The following PAK4 variants were observed in gnomAD, a reference collection of about 807,000 sequenced individuals.
PAK4 encodes p21 (RAC1) activated kinase 4, also known as serine/threonine-protein kinase PAK 4.
A neutral mutation model predicts 53.5 loss-of-function variants in PAK4; 49 were observed. The ratio of observed to expected loss-of-function variants is 0.92; its 90% CI spans 0.73 to 1.16. PAK4 has a LOEUF of 1.16. Ranked by LOEUF, PAK4 falls within the 50% of genes most tolerant of loss-of-function variation. The probability of loss-of-function intolerance (pLI) is 0.00; values close to 1 mark genes in which losing one functional copy is unlikely to be tolerated. For missense variants in PAK4, 824 were observed against 850.7 expected (o/e 0.97, Z 0.39); for synonymous variants, 376 against 375.6 (o/e 1.00, Z -0.01).
At chr19:39,165,863 C>T (rs148591466) in intron 1 of PAK4, among the ~76,000 whole-genome samples, 35 of 152,356 alleles carry the variant, frequency 2.3e-4, no homozygotes, top group African/African-American at 8.2e-4. Flanking sequence ...CTGGTGTCCA[C>T]TCTGCCACCC....
chr19:39,161,756 CGCCCACCCTGCTCCA>C lies in PAK4; in HGVS notation c.-22-7772_-22-7758del, dbSNP rs1294546516. The stretch of plus-strand genomic sequence containing the variant: ...TGGCCTGTCCTTCCACTTGCCCCCT[CGCCCACCCTGCTCCA>C]GCCACGTGGCCTCCTCGCTGTCCCT... On this transcript the variant is annotated intron_variant, in intron 1 of 8. Transcript: ENST00000358301. This position sits in a 1 kb window ranked among gnomAD's most constrained non-coding sequence, Gnocchi z 4.5. 6.6e-6 allele frequency among the ~76,000 whole-genome samples: 1 copy of C among 151,912 alleles called. No homozygotes were observed. The highest frequency in any genetic ancestry group is 2.4e-5 in the African/African-American group (1 of 41,354).
In PAK4 at chr19:39,177,815, C is replaced by CCCCT. The variant is rs774782144; in HGVS notation, c.1620+11_1620+14dup. The CCCCT allele has an allele frequency of 4.4e-6, 7 of 1,603,394 alleles. No individual in the cohort carries two copies. The African/African-American group carries it at 8.0e-5, about 18-fold the overall frequency. ...GACTGAAGAACCTGCACAAGGTAGG[C>CCCCT]CCCTCCCTGGCTGGGAAACTGTGCG... On this transcript the variant is annotated splice_region_variant and intron_variant, in intron 8 of 8. Transcript: ENST00000358301.
rs778898769 is a variant in PAK4, at chr19:39,173,777, C to A, written c.865C>A (p.Pro289Thr). The A allele has an allele frequency of 6.3e-7, 1 of 1,599,686 alleles. No individual in the cohort carries two copies. The highest frequency in any genetic ancestry group is 1.1e-5 in the South Asian group (1 of 89,698). Reference sequence around the variant, plus strand: ...CCCTGCTGTTCCTGGGCCCCCTGGCCCCCGCTCACCACAGCGGGAGCCACA... The same window carrying A: ...CCCTGCTGTTCCTGGGCCCCCTGGCACCCGCTCACCACAGCGGGAGCCACA... Residue 289 changes from proline (P) to threonine (T), a missense_variant, in exon 4 of 9, where the codon CCC becomes ACC. Physicochemically the swap from Pro to Thr is conservative, Grantham distance 38. Transcript: ENST00000358301. This position sits in a 1 kb window ranked among gnomAD's most constrained non-coding sequence, Gnocchi z 6.9.
chr19:39,182,534 G>A (rs959042793), downstream of PAK4: 1 of 152,240 alleles, frequency 6.6e-6, no homozygotes, highest in African/African-American at 2.4e-5. Flanking sequence ...ATCATGCTAG[G>A]GGCCGGGTGC....
chr19:39,161,650 T>G lies in PAK4; in HGVS notation c.-22-7882T>G, dbSNP rs2144773105. Among the ~76,000 whole-genome samples the G allele has an allele frequency of 6.6e-6, 1 of 151,986 alleles. No individual in the cohort carries two copies. Among genetic ancestry groups the G allele is most frequent in the East Asian group, 1.9e-4 (1 of 5,152 alleles). ...TGGCCCTCCTGGGCTCAGAGACCCC[T>G]GCAACTCCGTCTCACTCGGGAAAGG... On this transcript the variant is annotated intron_variant, in intron 1 of 8. Coordinates refer to ENST00000358301, the Ensembl canonical transcript of PAK4. This position sits in a 1 kb window ranked among gnomAD's most constrained non-coding sequence, Gnocchi z 4.5.
At chr19:39,151,658 G>T (rs1222440028) in intron 1 of PAK4, among the ~76,000 whole-genome samples, 7 of 152,232 alleles carry the variant, frequency 4.6e-5, no homozygotes, top group Non-Finnish European at 1.5e-5. Flanking sequence ...ATCAAGGCAG[G>T]GAAAGATCAC....
intron 1 of PAK4, among the ~76,000 whole-genome samples, chr19:39,133,934 C>T (rs1007324726): frequency 3.3e-5 from 5 of 152,164 alleles, no homozygotes; most frequent in African/African-American, 4.8e-5. Flanking sequence ...CACCGGTCAG[C>T]ACTGGCCATG....
chr19:39,149,228 A>G (rs1568507099), intron 1 of PAK4, among the ~76,000 whole-genome samples: 1 of 152,222 alleles, frequency 6.6e-6, no homozygotes, highest in Non-Finnish European at 1.5e-5. Context: ...ACAAGAGCTA[A>G]AAGGTGGAAA....
Position 39,175,589 on chromosome 19 carries a change from G to A in PAK4, c.1359+151G>A. ...AACTTCGTCCCTCCCTGGTGGAGCA[G>A]CCCAGAGTCAGGTTCCAGCTCAGTG... On this transcript the variant is annotated intron_variant, in intron 6 of 8. Coordinates refer to ENST00000358301, the Ensembl canonical transcript of PAK4. This position sits in a 1 kb window ranked among gnomAD's most constrained non-coding sequence, Gnocchi z 4.7. 2.3e-6 allele frequency: 2 copies of A among 851,628 alleles called. No individual in the cohort carries two copies. The highest frequency in any genetic ancestry group is 2.7e-5 in the East Asian group (1 of 37,242). The allele number at this position is 851,628 out of a possible 1,614,324, so 52.8% of individuals were successfully genotyped here. A position where few individuals can be genotyped will look rare whatever the true frequency, so the allele number is the denominator to read the frequency against.
At chr19:39,177,751 T>C (rs759054540) in exon 8 of PAK4, 2 of 1,613,500 alleles carry the variant, frequency 1.2e-6, no homozygotes, top group Non-Finnish European at 1.7e-6. Flanking sequence ...GAGCCACCCC[T>C]CAAAGCCATG....
intron 1 of PAK4, among the ~76,000 whole-genome samples, chr19:39,128,702 G>C (rs985026370): frequency 2.0e-5 from 3 of 152,188 alleles, no homozygotes; most frequent in Non-Finnish European, 4.4e-5. Flanking sequence ...TAGAGGCCAA[G>C]GGTCTCCTCC....
At chr19:39,174,767 CTG>C (rs1259294614) in intron 4 of PAK4, among the ~76,000 whole-genome samples, 162 bp from the exon 6 acceptor site, 3 of 152,270 alleles carry the variant, frequency 2.0e-5, no homozygotes, top group Admixed American at 2.0e-4. Flanking sequence ...CAAGCTGGCT[CTG>C]AGGCCCACGT....
At chr19:39,158,240 C>CGTGTGTGTGCATGTGTGTGT (rs2074225994) in intron 1 of PAK4, among the ~76,000 whole-genome samples, 1 of 149,968 alleles carries the variant, frequency 6.7e-6, no homozygotes. Flanking sequence ...CATGTGTGTG[C>CGTGTGTGTGCATGTGTGTGT]GCGCATGTGT....
chr19:39,150,741 T>G (rs1167281583), intron 1 of PAK4, among the ~76,000 whole-genome samples: 4 of 151,950 alleles, frequency 2.6e-5, no homozygotes, highest in Non-Finnish European at 5.9e-5. Flanking sequence ...AATAAATTAA[T>G]AAAAATTAAA....
At chr19:39,142,128 C>T (rs201028241) in intron 1 of PAK4, among the ~76,000 whole-genome samples, 1 of 152,144 alleles carries the variant, frequency 6.6e-6, no homozygotes, top group African/African-American at 2.4e-5. Context: ...AGGTGTGCGC[C>T]GTCATGCTCA....
intron 1 of PAK4, among the ~76,000 whole-genome samples, chr19:39,126,232 A>G (rs1047796827): frequency 6.6e-6 from 1 of 152,212 alleles, no homozygotes; most frequent in Non-Finnish European, 1.5e-5. Context: ...GGCTGCCCCC[A>G]CGAGGGTCAG....
At chr19:39,176,536 T>C in intron 6 of PAK4, 54 bp from the exon 8 acceptor site, 2 of 1,611,030 alleles carry the variant, frequency 1.2e-6, no homozygotes, top group Non-Finnish European at 8.5e-7. Context: ...ACGCCCCTGC[T>C]CGCCCTCCTG....
At chr19:39,146,884 G>A (rs998650846) in intron 1 of PAK4, among the ~76,000 whole-genome samples, 1 of 151,252 alleles carries the variant, frequency 6.6e-6, no homozygotes, top group Non-Finnish European at 1.5e-5. Context: ...AGAGAGGGAG[G>A]GAGGGAGAGG....
At chr19:39,157,761 T>G (rs2074210281) in intron 1 of PAK4, among the ~76,000 whole-genome samples, 1 of 152,222 alleles carries the variant, frequency 6.6e-6, no homozygotes, top group African/African-American at 2.4e-5. Flanking sequence ...TGAGGGTGGA[T>G]TGCTGCTGTT....
Sources: gnomAD v4.1 joint callset for allele counts (sites outside exome capture counted in the v4.1 genomes callset) on GRCh38, gnomAD v4.1.1 for gene constraint, Gnocchi (gnomAD v3.1) non-coding constraint, MANE v1.5 for transcripts, NCBI Gene and HGNC (gene_info 2026-07-23, HGNC 2026-07-21) for gene names.